The following ERBB4 variants were observed in gnomAD, a reference collection of about 807,000 sequenced individuals.
ERBB4 encodes the protein receptor tyrosine-protein kinase erbB-4.
In ERBB4, 42 loss-of-function variants were observed where a neutral mutation model predicts 158.0. The observed-to-expected ratio is 0.27, with a 90% CI of 0.21 to 0.34. ERBB4 has a LOEUF of 0.34. Among genes scored for constraint, ERBB4 ranks in the 10% least tolerant of loss-of-function variants. The pLI is 1.00. For synonymous variants in ERBB4, 583 were observed against 558.7 expected, an observed-to-expected ratio of 1.04 and a Z score of -0.61; for missense variants, 1,333 against 1,624.1, an observed-to-expected ratio of 0.82 and a Z score of 3.08.
chr2:212,210,851 C>T (rs1316702079), intron 1 of ERBB4, among the ~76,000 whole-genome samples: 3 of 152,016 alleles, frequency 2.0e-5, no homozygotes, highest in Non-Finnish European at 4.4e-5. Flanking sequence ...TCTATATCTC[C>T]AACCTAGACA....
At chr2:211,472,787 G>A (rs1324558500) in intron 20 of ERBB4, among the ~76,000 whole-genome samples, 2 of 151,970 alleles carry the variant, frequency 1.3e-5, no homozygotes, top group African/African-American at 4.8e-5. Flanking sequence ...ACTTGAGTGT[G>A]AATCGGAATC....
At position 212,325,470 on chromosome 2, in the gene ERBB4, A is replaced by C. The variant is rs77556535; in HGVS notation, c.83-200567T>G. The stretch of plus-strand genomic sequence containing the variant: ...GATTAAAATCTTCTGAAATTGGTTA[A>C]TTGATTGCCTGACAGTTATAACAGA... On this transcript the variant is annotated intron_variant, in intron 1 of 27. Coordinates refer to ENST00000342788, the MANE Select transcript of ERBB4 (RefSeq NM_005235.3). Among the ~76,000 whole-genome samples, 812 of 150,926 alleles carry C rather than the reference A, an allele frequency of 5.4e-3. 12 individuals carry two copies. Among genetic ancestry groups the C allele is most frequent in the African/African-American group, 0.017 (724 of 41,450 alleles).
chr2:211,863,772 G>T (rs1285198639), intron 3 of ERBB4, among the ~76,000 whole-genome samples: 1 of 152,170 alleles, frequency 6.6e-6, no homozygotes, highest in Non-Finnish European at 1.5e-5. Flanking sequence ...GCAAGACCAA[G>T]AACCCACCGG....
intron 1 of ERBB4, among the ~76,000 whole-genome samples, chr2:212,481,791 C>T (rs910264280): frequency 6.6e-6 from 1 of 152,140 alleles, no homozygotes; most frequent in African/African-American, 2.4e-5. Context: ...TACCTGCAAA[C>T]CGTTGCAGAG....
intron 20 of ERBB4, among the ~76,000 whole-genome samples, chr2:211,528,132 A>G (rs1371081738): frequency 1.3e-5 from 2 of 152,086 alleles, no homozygotes; most frequent in African/African-American, 4.8e-5. Context: ...CTATAAAGAC[A>G]CACACAGACT....
chr2:212,512,856 C>T (rs1267062976), intron 1 of ERBB4, among the ~76,000 whole-genome samples: 1 of 152,036 alleles, frequency 6.6e-6, no homozygotes, highest in Non-Finnish European at 1.5e-5. Flanking sequence ...TGAAAGTTCC[C>T]GTGGCCTGTT....
intron 16 of ERBB4, chr2:211,657,509 C>CAAA: frequency 2.7e-5 from 10 of 366,716 alleles, no homozygotes; most frequent in Admixed American, 4.5e-5. Context: ...ACTCGGTCTC[C>CAAA]AAAAAAAAAA....
chr2:211,854,882 C>A (rs1454966872), intron 3 of ERBB4, among the ~76,000 whole-genome samples: 1 of 151,984 alleles, frequency 6.6e-6, no homozygotes, highest in Non-Finnish European at 1.5e-5. Flanking sequence ...AAAGTGAATT[C>A]TAAGTTTCTA....
At chr2:212,502,078 C>T (rs7578556) in intron 1 of ERBB4, among the ~76,000 whole-genome samples, 3,525 of 152,040 alleles carry the variant, frequency 0.023, 142 homozygotes, top group African/African-American at 0.08. Context: ...GTTGTGCTTT[C>T]CCTATAAGTA....
At chr2:211,861,497 C>T (rs2106079293) in intron 3 of ERBB4, among the ~76,000 whole-genome samples, 1 of 151,434 alleles carries the variant, frequency 6.6e-6, no homozygotes, top group East Asian at 2.0e-4. Flanking sequence ...GTCACTACAC[C>T]CAGCCCAAAA....
intron 1 of ERBB4, among the ~76,000 whole-genome samples, chr2:212,376,049 C>A (rs116263855): frequency 1.7e-3 from 259 of 152,006 alleles, no homozygotes; most frequent in Middle Eastern, 6.8e-3. Flanking sequence ...TTGATGAAGA[C>A]CAATGATTGA....
At chr2:212,478,748 C>A (rs1297567218) in intron 1 of ERBB4, among the ~76,000 whole-genome samples, 1 of 151,934 alleles carries the variant, frequency 6.6e-6, no homozygotes, top group Non-Finnish European at 1.5e-5. Context: ...AACCTAAATG[C>A]CACCAAGACC....
intron 16 of ERBB4, among the ~76,000 whole-genome samples, chr2:211,637,055 C>T (rs377586105): frequency 6.6e-6 from 1 of 151,986 alleles, no homozygotes; most frequent in East Asian, 1.9e-4. Flanking sequence ...TCAAATGTTA[C>T]AATTCTCTAT....
intron 1 of ERBB4, among the ~76,000 whole-genome samples, chr2:212,419,966 TACTAA>T (rs1249586941): frequency 6.6e-6 from 1 of 152,022 alleles, no homozygotes; most frequent in Non-Finnish European, 1.5e-5. Flanking sequence ...TCTTGTGCTA[TACTAA>T]AATGAATTCA....
chr2:212,154,469 C>A (rs998648801), intron 1 of ERBB4, among the ~76,000 whole-genome samples: 1 of 152,084 alleles, frequency 6.6e-6, no homozygotes, highest in African/African-American at 2.4e-5. Context: ...AAATATTACT[C>A]ACTTGAATCT....
intron 20 of ERBB4, among the ~76,000 whole-genome samples, chr2:211,542,931 C>T (rs1032527881): frequency 6.6e-6 from 1 of 151,644 alleles, no homozygotes; most frequent in Non-Finnish European, 1.5e-5. Flanking sequence ...AAAGTACACC[C>T]TAGGTAGTAT....
intron 22 of ERBB4, among the ~76,000 whole-genome samples, chr2:211,427,277 A>G (rs1559156922): frequency 2.0e-5 from 3 of 152,130 alleles, no homozygotes; most frequent in African/African-American, 2.4e-5. Flanking sequence ...TTTGAGTAAC[A>G]TAAATTGTAC....
chr2:212,222,571 A>C (rs2083328733), intron 1 of ERBB4, among the ~76,000 whole-genome samples: 1 of 151,328 alleles, frequency 6.6e-6, no homozygotes, highest in African/African-American at 2.4e-5. Flanking sequence ...CACTCTTCTT[A>C]ATATACTATA....
At chr2:211,455,813 A>G (rs145860019) in intron 20 of ERBB4, among the ~76,000 whole-genome samples, 256 of 152,278 alleles carry the variant, frequency 1.7e-3, no homozygotes, top group African/African-American at 5.9e-3. Flanking sequence ...TGTCCTCTCA[A>G]ATGCTCCACA....
Sources: allele counts gnomAD v4.1 joint callset (sites outside exome capture counted in the v4.1 genomes callset), GRCh38; gene constraint gnomAD v4.1.1; transcripts MANE v1.5; gene names NCBI Gene and HGNC (gene_info 2026-07-23, HGNC 2026-07-21).